VGLL4: variants seen among roughly 807,000 people sequenced by gnomAD.
VGLL4 encodes the protein transcription cofactor vestigial-like protein 4.
In VGLL4, 7 loss-of-function variants were observed where a neutral mutation model predicts 21.0. The observed-to-expected ratio is 0.33, with a 90% CI of 0.19 to 0.63. The LOEUF is 0.63. Ranked by LOEUF, VGLL4 falls within the 20% of genes least tolerant of loss-of-function variation. The pLI is 0.78. For synonymous variants in VGLL4, 222 were observed against 173.2 expected (o/e 1.28, Z -2.21); for missense variants, 394 against 425.7 (o/e 0.93, Z 0.66).
chr3:11,671,334 C>T lies in VGLL4; in HGVS notation c.64+31637G>A, dbSNP rs1286734119. ...GGGATTTTGTCAAAATGCGTATTCT[C>T]AGTCATCAGTTCCGCAGCGAGGACT... On this transcript the variant is annotated intron_variant, in intron 2 of 5. Transcript: ENST00000273038. 4.3e-6 allele frequency: 6 copies of T among 1,386,296 alleles called. No individual in the cohort carries two copies. The African/African-American group carries it at 8.5e-5, about 20-fold the overall frequency. 85.9% of individuals were successfully genotyped at this position (1,386,296 alleles called of 1,614,324 possible). A position where few individuals can be genotyped will look rare whatever the true frequency, so the allele number is the denominator to read the frequency against.
chr3:11,682,876 T>A (rs1025073722), intron 2 of VGLL4, among the ~76,000 whole-genome samples: 1 of 152,072 alleles, frequency 6.6e-6, no homozygotes, highest in African/African-American at 2.4e-5. Context: ...TAAATTAGCA[T>A]CTTCTGCATG....
At position 11,576,230 on chromosome 3, in the gene VGLL4, G is replaced by C. The variant is rs2074040337; in HGVS notation, c.273-11211C>G. ...TGACCCCCAGAACTTAATTCAGATG[G>C]GGCAGGAATCCATGTGCATGCTAAG... On this transcript the variant is annotated intron_variant, in intron 2 of 4. Transcript: ENST00000430365. 2.0e-5 allele frequency among the ~76,000 whole-genome samples: 3 copies of C among 152,128 alleles called. No homozygotes were observed. In the South Asian group the frequency reaches 6.2e-4, roughly 32 times the overall value.
At chr3:11,665,986 C>T (rs2076118448) in intron 2 of VGLL4, among the ~76,000 whole-genome samples, 1 of 152,188 alleles carries the variant, frequency 6.6e-6, no homozygotes, top group Non-Finnish European at 1.5e-5. Context: ...CGCGGTGGCT[C>T]ACGCCTGTAA....
At chr3:11,574,944 C>T (rs532568005) in intron 2 of VGLL4, among the ~76,000 whole-genome samples, 135 of 151,986 alleles carry the variant, frequency 8.9e-4, no homozygotes, top group Non-Finnish European at 7.1e-4. Context: ...GCTTGTCGGC[C>T]GAGTTACCAT....
chr3:11,597,821 A>C (rs2074683173), intron 2 of VGLL4, among the ~76,000 whole-genome samples: 1 of 152,196 alleles, frequency 6.6e-6, no homozygotes, highest in South Asian at 2.1e-4. Flanking sequence ...TGTGGTGAGC[A>C]GCAGGACCCA....
chr3:11,703,890 C>T (rs565347237), intron 1 of VGLL4, among the ~76,000 whole-genome samples: 56 of 152,354 alleles, frequency 3.7e-4, no homozygotes, highest in South Asian at 1.0e-3. Context: ...ACGTATGCAC[C>T]GGTCACAACA....
chr3:11,575,551 G>A (rs918070211), intron 2 of VGLL4, among the ~76,000 whole-genome samples: 8 of 152,200 alleles, frequency 5.3e-5, no homozygotes, highest in Admixed American at 3.9e-4. Context: ...TGCAAGGGAC[G>A]GAAGACACTT....
At chr3:11,649,125 G>C (rs1049769725) in intron 2 of VGLL4, among the ~76,000 whole-genome samples, 1 of 152,166 alleles carries the variant, frequency 6.6e-6, no homozygotes. Context: ...CCAAATAAAA[G>C]GATGCATTAA....
At chr3:11,573,316 G>GAAAGA (rs1559870252) in intron 2 of VGLL4, among the ~76,000 whole-genome samples, 1 of 20,754 alleles carries the variant, frequency 4.8e-5, no homozygotes, top group Non-Finnish European at 7.9e-5. Context: ...AGGAAGGAAG[G>GAAAGA]AAGAAAGAAA....
intron 2 of VGLL4, among the ~76,000 whole-genome samples, chr3:11,695,389 T>C (rs188037663): frequency 9.6e-4 from 146 of 152,202 alleles, no homozygotes; most frequent in African/African-American, 3.4e-3. Context: ...CTGAATTCTT[T>C]AGGAGTAAGG....
intron 2 of VGLL4, chr3:11,671,157 G>A: frequency 1.5e-6 from 2 of 1,311,256 alleles, no homozygotes; most frequent in Middle Eastern, 2.0e-4. Context: ...TGAGGCTTTA[G>A]ATAAACATAC....
At chr3:11,643,262 C>T (rs1247728458) in intron 1 of VGLL4, among the ~76,000 whole-genome samples, 175 bp downstream of exon 1, 1 of 152,188 alleles carries the variant, frequency 6.6e-6, no homozygotes, top group Non-Finnish European at 1.5e-5. Context: ...CACCGCCCCC[C>T]GCAGCCTGAG....
intron 2 of VGLL4, among the ~76,000 whole-genome samples, chr3:11,698,998 T>C (rs903935859): frequency 6.6e-6 from 1 of 152,196 alleles, no homozygotes; most frequent in African/African-American, 2.4e-5. Context: ...TGATCTCAAG[T>C]AGTAGAACAT....
chr3:11,690,028 T>G (rs903089257), intron 2 of VGLL4, among the ~76,000 whole-genome samples: 3 of 152,070 alleles, frequency 2.0e-5, no homozygotes, highest in African/African-American at 4.8e-5. Context: ...CAAGGATCCC[T>G]CCCCAGACAC....
rs147984254 is a variant in VGLL4 at position 11,564,896 on chromosome 3, G to C, written c.396C>G (p.Ser132Arg). The change falls in exon 3 of 5, where the codon AGC becomes AGG. Residue 132 changes from serine (S) to arginine (R), a missense_variant. By Grantham distance (110) the Ser-to-Arg change is moderately radical (BLOSUM62 -1). Transcript: ENST00000430365. Reference sequence around the variant, plus strand: ...GTGCGAGGGGCTGCTCCAGGCCAAGGCTGGGGAGGGAGGTGTACAGGTGGC... The same window carrying C: ...GTGCGAGGGGCTGCTCCAGGCCAAGCCTGGGGAGGGAGGTGTACAGGTGGC... ...HGSHLYTSLP[S>R]LGLEQPLALT... 1.2e-6 allele frequency: 2 copies of C among 1,607,704 alleles called. No individual in the cohort carries two copies. The highest frequency in any genetic ancestry group is 1.7e-4 in the Middle Eastern group (1 of 6,034).
At chr3:11,626,661 G>A in intron 1 of VGLL4, 1 of 252,170 alleles carries the variant, frequency 4.0e-6, no homozygotes, top group Non-Finnish European at 8.0e-6. Flanking sequence ...AGACAAAATG[G>A]GTATCACATC....
At chr3:11,616,401 A>T (rs1167313771) in intron 1 of VGLL4, among the ~76,000 whole-genome samples, 1 of 152,162 alleles carries the variant, frequency 6.6e-6, no homozygotes, top group Non-Finnish European at 1.5e-5. Flanking sequence ...ACATTTTCAC[A>T]TGGCTAGGAA....
chr3:11,649,099 C>T (rs1472059837), intron 2 of VGLL4, among the ~76,000 whole-genome samples: 1 of 152,108 alleles, frequency 6.6e-6, no homozygotes, highest in Non-Finnish European at 1.5e-5. Context: ...AAAATGAAAA[C>T]CTGAAAACCT....
chr3:11,590,996 TTTG>T (rs1184336352), intron 2 of VGLL4, among the ~76,000 whole-genome samples: 2 of 152,130 alleles, frequency 1.3e-5, no homozygotes, highest in Non-Finnish European at 2.9e-5. Flanking sequence ...ACAAACTGGT[TTTG>T]TGTCACAGTA....
Sources: gnomAD v4.1 joint callset for allele counts (sites outside exome capture counted in the v4.1 genomes callset) on GRCh38, gnomAD v4.1.1 for gene constraint, MANE v1.5 for transcripts, NCBI Gene and HGNC (gene_info 2026-07-23, HGNC 2026-07-21) for gene names.